DLGAP2: variants seen among roughly 807,000 people sequenced by gnomAD.
DLGAP2 encodes the protein DLG associated protein 2, also known as disks large-associated protein 2.
Under a neutral mutation model 100.3 loss-of-function variants are expected in DLGAP2, and 26 were observed. The observed-to-expected ratio is 0.26, with a 90% CI of 0.19 to 0.36. The LOEUF is 0.36. Among genes scored for constraint, DLGAP2 ranks in the 10% least tolerant of loss-of-function variants. The probability of loss-of-function intolerance (pLI) is 1.00; values close to 1 mark genes in which losing one functional copy is unlikely to be tolerated. For missense variants in DLGAP2, 1,858 were observed against 1,453.2 expected (o/e 1.28, Z -4.53); for synonymous variants, 886 against 630.1 (o/e 1.41, Z -6.08).
chr8:1,527,709 G>A (rs920960817), intron 4 of DLGAP2, among the ~76,000 whole-genome samples: 56 of 152,304 alleles, frequency 3.7e-4, no homozygotes, highest in African/African-American at 1.3e-3. Context: ...TATGCAGCAT[G>A]CACGGCGTAA....
intron 8 of DLGAP2, among the ~76,000 whole-genome samples, chr8:1,648,868 A>G (rs1298852751): frequency 6.6e-6 from 1 of 152,196 alleles, no homozygotes; most frequent in African/African-American, 2.4e-5. Context: ...CTCTGAAAAG[A>G]AGAACCGCTG....
intron 1 of DLGAP2, among the ~76,000 whole-genome samples, chr8:772,388 T>C (rs536576262): frequency 6.6e-6 from 1 of 152,312 alleles, no homozygotes; most frequent in South Asian, 2.1e-4. Flanking sequence ...AGTGGCATGA[T>C]CTCTGCTCAC....
intron 2 of DLGAP2, among the ~76,000 whole-genome samples, chr8:1,183,409 T>C (rs753834176): frequency 6.6e-5 from 10 of 152,250 alleles, no homozygotes; most frequent in East Asian, 1.9e-4. Context: ...TTTTCTGATA[T>C]TGATATTTGA....
chr8:1,449,784 C>T (rs1000036043), intron 3 of DLGAP2, among the ~76,000 whole-genome samples: 15 of 152,164 alleles, frequency 9.9e-5, no homozygotes, highest in Non-Finnish European at 2.1e-4. Flanking sequence ...GAGAAGGAGC[C>T]GTGCTGCACT....
intron 6 of DLGAP2, among the ~76,000 whole-genome samples, chr8:1,570,391 T>A (rs1802605717): frequency 6.6e-6 from 1 of 152,268 alleles, no homozygotes; most frequent in Admixed American, 6.5e-5. Context: ...GGGGGCTCTT[T>A]CAATCTAGGC....
chr8:1,061,293 G>A (rs992793439), intron 2 of DLGAP2, among the ~76,000 whole-genome samples: 1 of 152,082 alleles, frequency 6.6e-6, no homozygotes, highest in African/African-American at 2.4e-5. Context: ...CCGAACACCT[G>A]CCTTACTCTC....
At chr8:1,233,413 C>G (rs1043979507) in intron 2 of DLGAP2, among the ~76,000 whole-genome samples, 1 of 152,176 alleles carries the variant, frequency 6.6e-6, no homozygotes, top group Admixed American at 6.5e-5. Context: ...AAGGGCGTGC[C>G]TGTCTTAGTA....
intron 3 of DLGAP2, chr8:1,302,727 G>A (rs568850179): frequency 0.01 from 1,525 of 152,386 alleles, 15 homozygotes; most frequent in South Asian, 0.028. Context: ...ACGGGTAACG[G>A]GCAGTGAGGT....
intron 3 of DLGAP2, among the ~76,000 whole-genome samples, chr8:1,408,957 G>T (rs1386226242): frequency 6.6e-6 from 1 of 152,226 alleles, no homozygotes; most frequent in South Asian, 2.1e-4. Context: ...ACATTTAATC[G>T]ATGTCTGTTG....
At chr8:1,613,105 C>A (rs1328177673) in intron 6 of DLGAP2, among the ~76,000 whole-genome samples, 1 of 140,496 alleles carries the variant, frequency 7.1e-6, no homozygotes, top group East Asian at 2.0e-4. Context: ...ATGTTTATTG[C>A]GGCATTATTC....
chr8:1,216,923 G>C (rs1165549411), intron 2 of DLGAP2, among the ~76,000 whole-genome samples: 1 of 152,134 alleles, frequency 6.6e-6, no homozygotes, highest in African/African-American at 2.4e-5. Flanking sequence ...CTCATTTACA[G>C]TGAGACCTGG....
intron 2 of DLGAP2, among the ~76,000 whole-genome samples, chr8:1,157,031 C>T (rs550418879): frequency 6.6e-6 from 1 of 152,036 alleles, no homozygotes; most frequent in Non-Finnish European, 1.5e-5. Context: ...GCCCCAGGCT[C>T]TCAGTGGTAC....
At chr8:940,437 G>T (rs112833839) in intron 2 of DLGAP2, among the ~76,000 whole-genome samples, 1 of 152,032 alleles carries the variant, frequency 6.6e-6, no homozygotes, top group Non-Finnish European at 1.5e-5. Context: ...TTCACCCTGG[G>T]TGGTTCGTCC....
intron 3 of DLGAP2, among the ~76,000 whole-genome samples, chr8:1,334,212 A>T (rs1395272082): frequency 6.6e-6 from 1 of 152,202 alleles, no homozygotes; most frequent in Non-Finnish European, 1.5e-5. Context: ...CTGTGATGAA[A>T]ATCAACAGCT....
chr8:1,325,173 G>T (rs1255057088), intron 3 of DLGAP2, among the ~76,000 whole-genome samples: 1 of 152,182 alleles, frequency 6.6e-6, no homozygotes, highest in Admixed American at 6.5e-5. Context: ...CCCCAGAGCT[G>T]GTGTAGCGGA....
At chr8:880,818 C>G (rs1797774890) in intron 1 of DLGAP2, among the ~76,000 whole-genome samples, 1 of 152,254 alleles carries the variant, frequency 6.6e-6, no homozygotes, top group African/African-American at 2.4e-5. Flanking sequence ...CGTTCATGGA[C>G]TCAACGCAGA....
chr8:1,006,818 G>A (rs1286215036), intron 2 of DLGAP2, among the ~76,000 whole-genome samples: 2 of 55,088 alleles, frequency 3.6e-5, no homozygotes, highest in Non-Finnish European at 7.3e-5. Context: ...CGTCGGGGGC[G>A]CCCTGCGTCT....
chr8:780,992 T>G (rs1033809404), intron 1 of DLGAP2, among the ~76,000 whole-genome samples: 5 of 152,242 alleles, frequency 3.3e-5, no homozygotes, highest in African/African-American at 1.2e-4. Context: ...TACATTTCTC[T>G]CCATGAGGTT....
At chr8:1,528,574 C>T (rs925384078) in intron 4 of DLGAP2, among the ~76,000 whole-genome samples, 1 of 152,236 alleles carries the variant, frequency 6.6e-6, no homozygotes, top group African/African-American at 2.4e-5. Flanking sequence ...CCAGGTGATT[C>T]TCATGCTGAG....
Sources: gnomAD v4.1 joint callset for allele counts (sites outside exome capture counted in the v4.1 genomes callset) on GRCh38, gnomAD v4.1.1 for gene constraint, MANE v1.5 for transcripts, NCBI Gene and HGNC (gene_info 2026-07-23, HGNC 2026-07-21) for gene names.